BRD10: variants seen among roughly 807,000 people sequenced by gnomAD.
The protein encoded by BRD10 is bromodomain containing 10.
At chr9:6,002,498 G>A in the BRD10 span, among the ~76,000 whole-genome samples, 1 of 151,978 alleles carries the variant, frequency 6.6e-6, no homozygotes, top group African/African-American at 2.4e-5. Context: ...TTACTGAGGA[G>A]AAATAAACAT....
the BRD10 span, among the ~76,000 whole-genome samples, chr9:5,941,889 T>C: frequency 6.6e-5 from 10 of 152,148 alleles, no homozygotes; most frequent in Non-Finnish European, 1.5e-4. Flanking sequence ...ATCTGGAAAG[T>C]CCCTGCAGAG....
the BRD10 span, among the ~76,000 whole-genome samples, chr9:5,918,425 G>A: frequency 6.6e-6 from 1 of 152,072 alleles, no homozygotes; most frequent in African/African-American, 2.4e-5. Context: ...TATTTAAAAC[G>A]AGGCATATTC....
the BRD10 span, among the ~76,000 whole-genome samples, chr9:5,889,701 C>G: frequency 6.6e-6 from 1 of 152,036 alleles, no homozygotes; most frequent in African/African-American, 2.4e-5. Flanking sequence ...AGGAGAATTG[C>G]TTGAACCTGG....
chr9:5,959,937 G>C, the BRD10 span, among the ~76,000 whole-genome samples: 2 of 152,112 alleles, frequency 1.3e-5, no homozygotes, highest in African/African-American at 2.4e-5. Context: ...TTCCACAAAA[G>C]TTTTCTTTAA....
chr9:5,970,898 A>G, the BRD10 span, among the ~76,000 whole-genome samples: 1 of 151,966 alleles, frequency 6.6e-6, no homozygotes, highest in Non-Finnish European at 1.5e-5. Flanking sequence ...TTAAAAACAC[A>G]AAAATTAGCT....
At chr9:5,953,917 T>G in the BRD10 span, 1 of 705,702 alleles carries the variant, frequency 1.4e-6, no homozygotes, top group Middle Eastern at 2.3e-4. Flanking sequence ...TACAAGTAAG[T>G]GTGCTACAGT....
the BRD10 span, among the ~76,000 whole-genome samples, chr9:5,948,983 T>C: frequency 2.0e-5 from 3 of 152,116 alleles, no homozygotes; most frequent in African/African-American, 7.2e-5. Flanking sequence ...ACTTGTGACA[T>C]GAAAGCCAAA....
chr9:5,978,250 G>C, the BRD10 span, among the ~76,000 whole-genome samples: 6 of 152,014 alleles, frequency 3.9e-5, no homozygotes, highest in East Asian at 9.6e-4. Flanking sequence ...AAAAACACTA[G>C]ATTTCCAAAA....
chr9:5,998,171 AT>A, the BRD10 span, among the ~76,000 whole-genome samples: 2 of 152,168 alleles, frequency 1.3e-5, no homozygotes, highest in Non-Finnish European at 2.9e-5. Context: ...TGGACACTCA[AT>A]TGGATAAAAG....
chr9:5,896,347 T>C, the BRD10 span, among the ~76,000 whole-genome samples: 1 of 152,226 alleles, frequency 6.6e-6, no homozygotes, highest in Non-Finnish European at 1.5e-5. Context: ...TGAATCTTCA[T>C]AGGTCTCAGC....
the BRD10 span, among the ~76,000 whole-genome samples, chr9:5,993,761 G>A: frequency 7.2e-5 from 11 of 152,178 alleles, no homozygotes; most frequent in Non-Finnish European, 1.3e-4. Context: ...GAAGTCAGAG[G>A]TCAAGGCATA....
the BRD10 span, among the ~76,000 whole-genome samples, chr9:5,917,423 G>A: frequency 1.3e-5 from 2 of 152,216 alleles, no homozygotes; most frequent in Non-Finnish European, 2.9e-5. Context: ...AGCTGGAGAG[G>A]TAGGCAGGAA....
chr9:5,957,218 A>G, the BRD10 span, among the ~76,000 whole-genome samples: 1 of 152,126 alleles, frequency 6.6e-6, no homozygotes, highest in Admixed American at 6.5e-5. Flanking sequence ...GTAGGTAATA[A>G]CTCTACTGTA....
chr9:5,938,224 TGAGCCCAGGAGTTTGA>T, the BRD10 span, among the ~76,000 whole-genome samples: 1 of 152,166 alleles, frequency 6.6e-6, no homozygotes. Flanking sequence ...GAGGATCAAT[TGAGCCCAGGAGTTTGA>T]GACCAGCCTG....
At chr9:6,000,789 T>C in the BRD10 span, among the ~76,000 whole-genome samples, 5 of 152,228 alleles carry the variant, frequency 3.3e-5, no homozygotes, top group Non-Finnish European at 5.9e-5. Flanking sequence ...ATATACATTA[T>C]ACATATTTTA....
At chr9:5,968,595 C>G in the BRD10 span, 1 of 1,613,900 alleles carries the variant, frequency 6.2e-7, no homozygotes, top group Non-Finnish European at 8.5e-7. Flanking sequence ...GGACAGCAAG[C>G]TGGATCAAAA....
chr9:5,881,590 T>C, the BRD10 span: 1 of 152,174 alleles, frequency 6.6e-6, no homozygotes. Flanking sequence ...TGGAACACCG[T>C]GCTTGGTAGG....
At chr9:5,990,920 C>T in the BRD10 span, among the ~76,000 whole-genome samples, 3 of 152,182 alleles carry the variant, frequency 2.0e-5, no homozygotes, top group Non-Finnish European at 4.4e-5. Context: ...CAACCAAGAA[C>T]ACTCAGAATA....
the BRD10 span, among the ~76,000 whole-genome samples, chr9:5,928,269 C>A: frequency 1.3e-5 from 2 of 152,102 alleles, no homozygotes; most frequent in African/African-American, 4.8e-5. Flanking sequence ...TATCCTAGTC[C>A]AAGCCTCTAC....
Sources: gnomAD v4.1 joint callset for allele counts (sites outside exome capture counted in the v4.1 genomes callset) on GRCh38, gnomAD v4.1.1 for gene constraint, MANE v1.5 for transcripts, NCBI Gene and HGNC (gene_info 2026-07-23, HGNC 2026-07-21) for gene names.